The following NDUFS1 variants were observed in gnomAD, a reference collection of about 807,000 sequenced individuals.
The protein encoded by NDUFS1 is NADH:ubiquinone oxidoreductase core subunit S1.
In NDUFS1, 61 loss-of-function variants were observed where a neutral mutation model predicts 84.4. The ratio of observed to expected loss-of-function variants is 0.72; its 90% CI spans 0.59 to 0.89. NDUFS1 has a LOEUF of 0.89. Ranked by LOEUF, NDUFS1 falls within the 40% of genes least tolerant of loss-of-function variation. The pLI is 0.00. For missense variants in NDUFS1, 891 were observed against 890.0 expected (o/e 1.00, Z -0.01); for synonymous variants, 275 against 290.0 (o/e 0.95, Z 0.53).
chr2:206,130,274 T>G (rs1323194808), intron 14 of NDUFS1, 32 bp from the exon 15 acceptor site: 2 of 1,612,058 alleles, frequency 1.2e-6, no homozygotes, highest in East Asian at 4.5e-5. Flanking sequence ...TTACCATAAC[T>G]GCAGTATTTT....
chr2:206,135,085 C>A (rs1423478204), intron 13 of NDUFS1, among the ~76,000 whole-genome samples: 1 of 151,098 alleles, frequency 6.6e-6, no homozygotes, highest in Admixed American at 6.6e-5. Flanking sequence ...GTGGCATGAT[C>A]TCGGCTCACT....
chr2:206,116,721 T>C lies in NDUFS1; in HGVS notation c.*7464A>G, dbSNP rs963968143. 7.5e-6 allele frequency: 2 copies of C among 267,966 alleles called. No individual in the cohort carries two copies. Among genetic ancestry groups the C allele is most frequent in the African/African-American group, 4.5e-5 (2 of 44,368 alleles). 16.6% of individuals were successfully genotyped at this position (267,966 alleles called of 1,614,324 possible). On this transcript the variant is annotated 3_prime_UTR_variant, in exon 19 of 19. Transcript: ENST00000233190. ...GGCAACATAGTGAGACCTGTCTCTA[T>C]AAAATATTTTTAAAAATTAGCTGGG...
At chr2:206,153,987 C>G (rs544902943) in intron 1 of NDUFS1, among the ~76,000 whole-genome samples, 1 of 152,166 alleles carries the variant, frequency 6.6e-6, no homozygotes, top group Admixed American at 6.5e-5. Context: ...CACTACCACA[C>G]AGTAAAATAA....
At chr2:206,135,735 AT>A (rs1691684406) in intron 13 of NDUFS1, among the ~76,000 whole-genome samples, 2 of 152,198 alleles carry the variant, frequency 1.3e-5, no homozygotes, top group Non-Finnish European at 2.9e-5. Context: ...GTAGTCACCT[AT>A]CACATGGGGA....
At chr2:206,146,835 C>A (rs1692169150) in intron 8 of NDUFS1, 68 bp downstream of exon 8, 4 of 1,456,212 alleles carry the variant, frequency 2.7e-6, no homozygotes, top group Non-Finnish European at 3.8e-6. Flanking sequence ...AGAAAATGAA[C>A]CTTAATATTT....
chr2:206,136,459 A>AGTCTCGCT (rs1352559186), intron 13 of NDUFS1, among the ~76,000 whole-genome samples: 3 of 124,490 alleles, frequency 2.4e-5, no homozygotes, highest in Non-Finnish European at 4.9e-5. Context: ...TTTGAGATGG[A>AGTCTCGCT]GTCTCGCTCT....
rs1017725345 is a variant in NDUFS1, at chr2:206,128,025, T to C, written c.1709-53A>G. ...AAAATTTTATTAAAAACTGATTTTCTACTGTACATGAAGATAGTATATATC... is the reference window on the plus strand; with the variant it reads ...AAAATTTTATTAAAAACTGATTTTCCACTGTACATGAAGATAGTATATATC... On this transcript the variant is annotated intron_variant, in intron 15 of 18. Transcript: ENST00000233190. 1.7e-5 allele frequency: 26 copies of C among 1,562,276 alleles called. No individual in the cohort carries two copies. The Admixed American group carries it at 1.7e-4, about 10-fold the overall frequency.
In NDUFS1 at chr2:206,146,964, A is replaced by G. The variant is rs755418781; in HGVS notation, c.676T>C (p.Cys226Arg). Residue 226 changes from cysteine (C) to arginine (R), a missense_variant, in exon 8 of 19, where the codon TGC becomes CGC. Coordinates refer to ENST00000233190, the MANE Select transcript of NDUFS1 (RefSeq NM_005006.7). ...TTAGAGGTTAGGGCACCTACAGGGC[A>G]GATATCAATGATATTCCCAGACAGT... is the stretch of plus-strand genomic sequence containing the variant. ...SELSGNIIDICPVGALTSKPY... is the reference protein window; with the variant it reads ...SELSGNIIDIRPVGALTSKPY... The G allele has an allele frequency of 6.2e-7, 1 of 1,614,164 alleles. No individual in the cohort carries two copies. Among genetic ancestry groups the G allele is most frequent in the Admixed American group, 1.7e-5 (1 of 60,028 alleles).
chr2:206,133,754 G>A (rs1344806165), intron 13 of NDUFS1, among the ~76,000 whole-genome samples: 3 of 152,196 alleles, frequency 2.0e-5, no homozygotes, highest in Admixed American at 2.0e-4. Context: ...GAGGTGGGTG[G>A]ATCACTTGAG....
rs116578844 is a variant in NDUFS1, at chr2:206,125,472, C to T, written c.2092+1067G>A. Among the ~76,000 whole-genome samples the T allele has an allele frequency of 3.5e-3, 518 of 148,870 alleles. 6 individuals carry two copies. Among genetic ancestry groups the T allele is most frequent in the African/African-American group, 0.012 (494 of 40,714 alleles). On this transcript the variant is annotated intron_variant, in intron 18 of 18. Coordinates refer to ENST00000233190, the MANE Select transcript of NDUFS1 (RefSeq NM_005006.7). ...GTAAAATCTCATCTCAAAAATTATA[C>T]ACACACACACACACACACACGTACA... is the stretch of plus-strand genomic sequence containing the variant.
intron 14 of NDUFS1, among the ~76,000 whole-genome samples, chr2:206,131,812 G>A (rs887608757): frequency 3.9e-5 from 6 of 152,198 alleles, no homozygotes; most frequent in South Asian, 2.1e-4. Context: ...AGTGGCACGC[G>A]CCTGTAGTCC....
chr2:206,147,755 G>A lies in NDUFS1; in HGVS notation c.418C>T (p.Gln140Ter). 6.2e-7 allele frequency: 1 copy of A among 1,613,892 alleles called. No homozygotes were observed. Among genetic ancestry groups the A allele is most frequent in the South Asian group, 1.1e-5 (1 of 91,068 alleles). Residue 140 changes from glutamine to a stop codon, truncating the protein, a stop_gained and splice_region_variant, in exon 6 of 19, where the codon CAG becomes TAG. Transcript: ENST00000233190. LOFTEE classifies it high-confidence loss of function. ...ICDQGGECDL[Q>*]DQSMMFGNDR... ...ATTGACAGAATTCTACTACATACCTGCAGATCACATTCACCTCCCTGGTCA... is the reference window on the plus strand; with the variant it reads ...ATTGACAGAATTCTACTACATACCTACAGATCACATTCACCTCCCTGGTCA...
At position 206,149,941 on chromosome 2, in the gene NDUFS1, A is replaced by AG. The variant is rs1453305109; in HGVS notation, c.154-17_154-16insC. 1 of 1,430,686 alleles carries AG rather than the reference A, an allele frequency of 7.0e-7. No individual in the cohort carries two copies. Among genetic ancestry groups the AG allele is most frequent in the East Asian group, 2.4e-5 (1 of 42,120 alleles). 88.6% of individuals were successfully genotyped at this position (1,430,686 alleles called of 1,614,324 possible). A position where few individuals can be genotyped will look rare whatever the true frequency, so the allele number is the denominator to read the frequency against. The stretch of plus-strand genomic sequence containing the variant: ...TCTCACAAGCCTAGAAGTAAAAAAA[A>AG]AAAAAAAAAAAAAAAAAGCATTAGA... On this transcript the variant is annotated splice_polypyrimidine_tract_variant and intron_variant, in intron 3 of 18. Transcript: ENST00000233190.
chr2:206,156,222 C>A (rs1687646608), intron 1 of NDUFS1, among the ~76,000 whole-genome samples: 1 of 145,968 alleles, frequency 6.9e-6, no homozygotes, highest in Non-Finnish European at 1.5e-5. Context: ...AAGATCACGC[C>A]ACTGCACTCC....
At position 206,144,124 on chromosome 2, in the gene NDUFS1, T is replaced by C. The variant is rs763637133; in HGVS notation, c.881A>G (p.Tyr294Cys). The change falls in exon 10 of 19, where the codon TAT becomes TGT. Residue 294 changes from tyrosine (Y) to cysteine (C), a missense_variant. Transcript: ENST00000233190. Reference protein sequence around the residue: ...EWISDKTRFAYDGLKRQRLTE... With the variant: ...EWISDKTRFACDGLKRQRLTE... ...AAGTCTTTGACGTTTTAGCCCATCA[T>C]AGGCAAATCTAGAAAACAGAAATTA... 6 of 1,611,350 alleles carry C rather than the reference T, an allele frequency of 3.7e-6. No homozygotes were observed. Among genetic ancestry groups the C allele is most frequent in the East Asian group, 2.2e-5 (1 of 44,838 alleles).
intron 8 of NDUFS1, among the ~76,000 whole-genome samples, chr2:206,146,026 C>A (rs1057366865): frequency 6.6e-6 from 1 of 152,174 alleles, no homozygotes; most frequent in Non-Finnish European, 1.5e-5. Flanking sequence ...CCAAAGGGCC[C>A]AGTGCAAAGT....
intron 15 of NDUFS1, 123 bp downstream of exon 15, chr2:206,129,965 G>A: frequency 1.3e-5 from 14 of 1,072,942 alleles, no homozygotes; most frequent in Non-Finnish European, 2.0e-5. Flanking sequence ...AAAAGGAGGA[G>A]GAGTGGGGGA....
intron 10 of NDUFS1, among the ~76,000 whole-genome samples, chr2:206,143,353 T>C (rs539967227): frequency 1.3e-5 from 2 of 152,294 alleles, no homozygotes; most frequent in South Asian, 2.1e-4. Flanking sequence ...TAACATCAAC[T>C]TAGAAGGAAG....
chr2:206,146,527 T>C (rs1297775176), intron 8 of NDUFS1, among the ~76,000 whole-genome samples: 1 of 152,182 alleles, frequency 6.6e-6, no homozygotes. Context: ...TTTGTAATCA[T>C]AAAGAAATAT....
Sources: gnomAD v4.1 joint callset for allele counts (sites outside exome capture counted in the v4.1 genomes callset) on GRCh38, gnomAD v4.1.1 for gene constraint, MANE v1.5 for transcripts, NCBI Gene and HGNC (gene_info 2026-07-23, HGNC 2026-07-21) for gene names.